Variants in COL6A3 observed in about 807,000 individuals in gnomAD.
COL6A3 encodes collagen alpha-3(VI) chain.
A neutral mutation model predicts 274.1 loss-of-function variants in COL6A3; 137 were observed. That is an observed-to-expected ratio of 0.50 (90% CI 0.44 to 0.58). The LOEUF (loss-of-function observed/expected upper bound fraction) is 0.58, where lower values mean the gene tolerates loss of function less well. Ranked by LOEUF, COL6A3 falls within the 20% of genes least tolerant of loss-of-function variation. The pLI is 0.00. For missense variants in COL6A3, 3,950 were observed against 4,124.9 expected, an observed-to-expected ratio of 0.96 and a Z score of 1.16; for synonymous variants, 1,650 against 1,650.6, an observed-to-expected ratio of 1.00 and a Z score of 0.01.
rs757412351 is a variant in COL6A3 at position 237,366,760 on chromosome 2, G to T, written c.5427C>A (p.Ser1809Arg). 1 of 1,614,250 alleles carries T rather than the reference G, an allele frequency of 6.2e-7. No individual in the cohort carries two copies. The highest frequency in any genetic ancestry group is 1.7e-5 in the Admixed American group (1 of 60,038). The change falls in exon 11 of 44, where the codon AGC becomes AGA. Residue 1809 changes from serine to arginine, a missense_variant. Physicochemically the swap from Ser to Arg is moderately radical, Grantham distance 110. Transcript: ENST00000295550. Reference sequence around the variant, plus strand: ...CATGCAAAGTTTCCAAAACTTGCTCGCTCAGTTCGGACAGCTCCTGGACGT... The same window carrying T: ...CATGCAAAGTTTCCAAAACTTGCTCTCTCAGTTCGGACAGCTCCTGGACGT... ...VGNVQELSELSEQVLETLHDA... is the reference protein window; with the variant it reads ...VGNVQELSELREQVLETLHDA...
intron 10 of COL6A3, 152 bp from the exon 11 acceptor site, chr2:237,367,438 G>T: frequency 1.1e-6 from 1 of 901,548 alleles, no homozygotes; most frequent in Non-Finnish European, 1.6e-6. Context: ...TCTTTAGCCT[G>T]TAGTTCCTGA....
In COL6A3 at chr2:237,368,230, G is replaced by A. The variant is rs1034360621; in HGVS notation, c.4900+333C>T. Among the ~76,000 whole-genome samples the A allele has an allele frequency of 6.6e-6, 1 of 152,226 alleles. No individual in the cohort carries two copies. Among genetic ancestry groups the A allele is most frequent in the African/African-American group, 2.4e-5 (1 of 41,470 alleles). On this transcript the variant is annotated intron_variant, in intron 10 of 43. Transcript: ENST00000295550. This position sits in a 1 kb window ranked among gnomAD's most constrained non-coding sequence, Gnocchi z 4.4. ...TTGGGCATCTGGCCAGTAGGCATGG[G>A]CCAACTTCAAAGTCACATTCAGTGG...
intron 2 of COL6A3, among the ~76,000 whole-genome samples, chr2:237,395,923 T>A (rs572913764): frequency 6.6e-6 from 1 of 152,190 alleles, no homozygotes; most frequent in Non-Finnish European, 1.5e-5. Context: ...GCTCAGGGTA[T>A]CAGGCTGTCA....
chr2:237,368,331 C>T lies in COL6A3; in HGVS notation c.4900+232G>A, dbSNP rs1320954204. Among the ~76,000 whole-genome samples, 1 of 152,240 alleles carries T rather than the reference C, an allele frequency of 6.6e-6. No homozygotes were observed. Among genetic ancestry groups the T allele is most frequent in the East Asian group, 1.9e-4 (1 of 5,198 alleles). ...AGTTTGTAATTATCTCAGTGCAACA[C>T]TGCAGAACCTTTCAATGGGGCTATG... On this transcript the variant is annotated intron_variant, in intron 10 of 43. Transcript: ENST00000295550. This position sits in a 1 kb window ranked among gnomAD's most constrained non-coding sequence, Gnocchi z 4.4.
intron 17 of COL6A3, 51 bp downstream of exon 17, chr2:237,360,037 C>A (rs375126856): frequency 6.3e-6 from 10 of 1,584,074 alleles, no homozygotes; most frequent in Middle Eastern, 1.7e-4. Flanking sequence ...GGAGAAACTG[C>A]GAGTCACCTG....
chr2:237,393,276 T>G (rs1017486521), intron 3 of COL6A3, among the ~76,000 whole-genome samples: 2 of 152,226 alleles, frequency 1.3e-5, no homozygotes, highest in African/African-American at 4.8e-5. Context: ...TAATCTCTGA[T>G]AGCAACTGGA....
Position 237,377,066 on chromosome 2 carries a change from A to T in COL6A3, c.2776T>A (p.Tyr926Asn). The change falls in exon 7 of 44, where the codon TAC (tyrosine) becomes AAC (asparagine). Residue 926 changes from tyrosine to asparagine, a missense_variant. By Grantham distance (143) the Tyr-to-Asn change is moderately radical. Transcript: ENST00000295550. The stretch of plus-strand genomic sequence containing the variant: ...CTGCCAGCAGACTTCACAAAAATGT[A>T]CCTCTGTGCATAGTCCAGCGCGTAG... ...LGYALDYAQRYIFVKSAGSRI... is the reference protein window; with the variant it reads ...LGYALDYAQRNIFVKSAGSRI... The T allele has an allele frequency of 6.2e-7, 1 of 1,614,138 alleles. No homozygotes were observed. The highest frequency in any genetic ancestry group is 1.7e-5 in the Admixed American group (1 of 60,014).
chr2:237,355,754 G>A (rs765614209), intron 23 of COL6A3: 4 of 152,310 alleles, frequency 2.6e-5, no homozygotes, highest in South Asian at 2.1e-4. Context: ...AGTGATCTGC[G>A]GTGACCAGTT....
intron 5 of COL6A3, 49 bp from the exon 6 acceptor site, chr2:237,379,284 G>A (rs752512085): frequency 1.2e-5 from 20 of 1,612,326 alleles, no homozygotes; most frequent in Non-Finnish European, 1.5e-5. Flanking sequence ...ACCACGGAGA[G>A]TTTTATCATG....
rs1404645499 is a variant in COL6A3 at position 237,364,730 on chromosome 2, G to A, written c.5839-302C>T. 6.6e-6 allele frequency among the ~76,000 whole-genome samples: 1 copy of A among 151,214 alleles called. No homozygotes were observed. The highest frequency in any genetic ancestry group is 1.5e-5 in the Non-Finnish European group (1 of 67,708). On this transcript the variant is annotated intron_variant, in intron 12 of 43. Transcript: ENST00000295550. This position sits in a 1 kb window ranked among gnomAD's most constrained non-coding sequence, Gnocchi z 4.6. ...TTCTGCGAATCATATGCATATGTGT[G>A]CATGCATGTGTGCGTGCATGTGTGT...
intron 1 of COL6A3, among the ~76,000 whole-genome samples, chr2:237,412,853 C>T (rs2078890106): frequency 6.6e-6 from 1 of 152,096 alleles, no homozygotes; most frequent in African/African-American, 2.4e-5. Flanking sequence ...CAGCCGGGGC[C>T]ACAGCCCTGC....
intron 2 of COL6A3, among the ~76,000 whole-genome samples, chr2:237,396,126 G>A (rs898959163): frequency 7.9e-5 from 12 of 152,188 alleles, no homozygotes; most frequent in African/African-American, 2.9e-4. Flanking sequence ...CAAGGAGAGG[G>A]AGACCCACCT....
At position 237,366,851 on chromosome 2, in the gene COL6A3, C is replaced by G. The variant is rs779913331; in HGVS notation, c.5336G>C (p.Arg1779Thr). ...RGVKVFAVGV[R>T]NIDSEEVGKI... The stretch of plus-strand genomic sequence containing the variant: ...TCCAACCTCCTCCGAGTCGATATTC[C>G]TCACTCCAACAGCAAACACTTTGAC... The change falls in exon 11 of 44, where the codon AGG (arginine) becomes ACG (threonine). Residue 1779 changes from arginine to threonine, a missense_variant. This residue lies in a region of COL6A3 where 632 missense variants were observed against 623.4 expected (regional missense o/e 1.01). Transcript: ENST00000295550. 3.1e-6 allele frequency: 5 copies of G among 1,614,266 alleles called. No individual in the cohort carries two copies. In the East Asian group the frequency reaches 1.1e-4, roughly 36 times the overall value.
rs1361731476 is a variant in COL6A3, at chr2:237,342,161, T to C, written c.7669A>G (p.Ile2557Val). The C allele has an allele frequency of 1.2e-6, 2 of 1,613,918 alleles. No individual in the cohort carries two copies. Among genetic ancestry groups the C allele is most frequent in the African/African-American group, 2.7e-5 (2 of 74,928 alleles). ...EDRQLINALQ[I>V]NNTAVGHALV... Reference sequence around the variant, plus strand: ...GCATGCCCCACTGCTGTGTTATTGATCTGGTTTAAACAAAAGAACAATTTT... The same window carrying C: ...GCATGCCCCACTGCTGTGTTATTGACCTGGTTTAAACAAAAGAACAATTTT... Residue 2557 changes from isoleucine (I) to valine (V), a missense_variant and splice_region_variant, in exon 37 of 44, where the codon ATC becomes GTC. Around this residue, in one of 5 missense-constraint regions of COL6A3, gnomAD observed 1,284 missense variants for 1,349.7 expected, o/e 0.95. Coordinates refer to ENST00000295550, the MANE Select transcript of COL6A3 (RefSeq NM_004369.4).
At chr2:237,360,200 T>G in intron 16 of COL6A3, 41 bp from the exon 17 acceptor site, 1 of 1,590,416 alleles carries the variant, frequency 6.3e-7, no homozygotes, top group Non-Finnish European at 8.6e-7. Context: ...CTGGAGCCCT[T>G]CATCACCCTT....
chr2:237,382,960 G>A (rs2078046419), intron 4 of COL6A3, among the ~76,000 whole-genome samples: 1 of 151,994 alleles, frequency 6.6e-6, no homozygotes, highest in Non-Finnish European at 1.5e-5. Flanking sequence ...GCTAATTTTT[G>A]TTTTGTTTTG....
chr2:237,406,270 T>C (rs1158795803), intron 1 of COL6A3, among the ~76,000 whole-genome samples: 1 of 152,156 alleles, frequency 6.6e-6, no homozygotes, highest in Non-Finnish European at 1.5e-5. Context: ...TCATTTTCCA[T>C]GTCTGGAAAT....
rs1559245225 is a variant in COL6A3 at position 237,371,991 on chromosome 2, G to A, written c.4026C>T (p.Leu1342=). 1 of 1,614,026 alleles carries A rather than the reference G, an allele frequency of 6.2e-7. No homozygotes were observed. Among genetic ancestry groups the A allele is most frequent in the African/African-American group, 1.3e-5 (1 of 74,944 alleles). The change falls in exon 9 of 44, where the codon CTC becomes CTT. Residue 1342 remains leucine, a synonymous_variant. Coordinates refer to ENST00000295550, the MANE Select transcript of COL6A3 (RefSeq NM_004369.4). The surrounding 1 kb of genome is among the most constrained non-coding windows in gnomAD (Gnocchi z 4.3). The part of the protein sequence containing the change: ...IEEGVPQFLV[L]ISSGKSDDEV... ...CATCGTCAGACTTTCCAGACGAGATGAGGACCAGGAACTGCGGGACGCCCT... is the reference window on the plus strand; with the variant it reads ...CATCGTCAGACTTTCCAGACGAGATAAGGACCAGGAACTGCGGGACGCCCT...
rs767480741 is a variant in COL6A3, at chr2:237,387,573, G to T, written c.1312+9C>A. Reference sequence around the variant, plus strand: ...ACTCCCACACAGATGGTGAGAAGAGGATACATACCTTGTGTGACAATGGTT... The same window carrying T: ...ACTCCCACACAGATGGTGAGAAGAGTATACATACCTTGTGTGACAATGGTT... On this transcript the variant is annotated intron_variant, in intron 4 of 43. Coordinates refer to ENST00000295550, the MANE Select transcript of COL6A3 (RefSeq NM_004369.4). 1.2e-6 allele frequency: 2 copies of T among 1,613,916 alleles called. No homozygotes were observed. The highest frequency in any genetic ancestry group is 3.3e-5 in the Admixed American group (2 of 60,014).
Sources: gnomAD v4.1 joint callset for allele counts (sites outside exome capture counted in the v4.1 genomes callset) on GRCh38, gnomAD v4.1.1 for gene constraint, gnomAD v4.1.1 regional missense constraint, Gnocchi (gnomAD v3.1) non-coding constraint, MANE v1.5 for transcripts, NCBI Gene and HGNC (gene_info 2026-07-23, HGNC 2026-07-21) for gene names.